Variants in MCC observed in about 807,000 individuals in gnomAD.
MCC encodes MCC regulator of Wnt signaling pathway.
Under a neutral mutation model 116.2 loss-of-function variants are expected in MCC, and 90 were observed. The ratio of observed to expected loss-of-function variants is 0.77; its 90% CI spans 0.65 to 0.92. The LOEUF is 0.92. Ranked by LOEUF, MCC falls within the 40% of genes least tolerant of loss-of-function variation. The probability of loss-of-function intolerance (pLI) is 0.00; values close to 1 mark genes in which losing one functional copy is unlikely to be tolerated. For missense variants in MCC, 1,516 were observed against 1,312.2 expected (o/e 1.16, Z -2.40); for synonymous variants, 578 against 510.5 (o/e 1.13, Z -1.78).
At chr5:113,342,279 C>G (rs917568107) in intron 2 of MCC, among the ~76,000 whole-genome samples, 1 of 152,098 alleles carries the variant, frequency 6.6e-6, no homozygotes, top group South Asian at 2.1e-4. Flanking sequence ...TTTGCAATAG[C>G]GAATTGTGCT....
chr5:113,044,263 T>C (rs1751923287), intron 16 of MCC, among the ~76,000 whole-genome samples: 1 of 152,146 alleles, frequency 6.6e-6, no homozygotes, highest in Non-Finnish European at 1.5e-5. Context: ...AAAACAGAAG[T>C]GCAGCCCACC....
At chr5:113,362,247 G>A (rs570747687) in intron 2 of MCC, among the ~76,000 whole-genome samples, 20 of 152,238 alleles carry the variant, frequency 1.3e-4, no homozygotes, top group African/African-American at 3.9e-4. Flanking sequence ...GGCTGGTCTC[G>A]AACTCCTGAC....
chr5:113,440,383 A>C (rs1030929143), intron 1 of MCC, among the ~76,000 whole-genome samples: 3 of 150,910 alleles, frequency 2.0e-5, no homozygotes, highest in African/African-American at 7.3e-5. Context: ...CCCTCCACCC[A>C]CCCCCAGGCA....
chr5:113,043,166 C>T (rs1460881840), intron 17 of MCC, among the ~76,000 whole-genome samples: 2 of 152,210 alleles, frequency 1.3e-5, no homozygotes, highest in Non-Finnish European at 2.9e-5. Context: ...ACACTACCAA[C>T]GCTGAAGGAA....
At chr5:113,459,822 GAA>G (rs2150424877) in intron 1 of MCC, among the ~76,000 whole-genome samples, 1 of 62,038 alleles carries the variant, frequency 1.6e-5, no homozygotes, top group South Asian at 6.6e-4. Context: ...AATCGCTATG[GAA>G]AACACACACA....
intron 1 of MCC, among the ~76,000 whole-genome samples, chr5:113,449,698 G>A (rs183343475): frequency 6.6e-6 from 1 of 152,336 alleles, no homozygotes; most frequent in African/African-American, 2.4e-5. Context: ...AACTGCCCAT[G>A]TGTTATAGCT....
At chr5:113,395,087 T>A (rs963055527) in intron 1 of MCC, among the ~76,000 whole-genome samples, 1 of 152,222 alleles carries the variant, frequency 6.6e-6, no homozygotes, top group Non-Finnish European at 1.5e-5. Context: ...CCTTGTTCAT[T>A]ATCTTTGAGT....
intron 3 of MCC, among the ~76,000 whole-genome samples, chr5:113,336,708 A>T (rs1203428206): frequency 6.6e-6 from 1 of 152,204 alleles, no homozygotes; most frequent in East Asian, 1.9e-4. Flanking sequence ...TTAGGATAAT[A>T]AATCTCTTAT....
chr5:113,345,460 T>C (rs6896843), intron 2 of MCC, among the ~76,000 whole-genome samples: 21,105 of 152,140 alleles, frequency 0.14, 1,667 homozygotes, highest in Non-Finnish European at 0.19. Context: ...TTGGGTGAGA[T>C]CCAGTGCTGT....
At chr5:113,197,231 GA>G (rs1207218775) in intron 3 of MCC, among the ~76,000 whole-genome samples, 1 of 152,020 alleles carries the variant, frequency 6.6e-6, no homozygotes, top group African/African-American at 2.4e-5. Flanking sequence ...TCAAAAGGGG[GA>G]ATTTTTTTTT....
chr5:113,432,334 A>AG (rs1235700819), intron 1 of MCC, among the ~76,000 whole-genome samples: 5 of 151,402 alleles, frequency 3.3e-5, no homozygotes, highest in African/African-American at 1.2e-4. Flanking sequence ...AAAAAAAAAA[A>AG]AAAAAAAAAG....
chr5:113,413,414 G>GT (rs1271126681), intron 1 of MCC, among the ~76,000 whole-genome samples: 1 of 152,070 alleles, frequency 6.6e-6, no homozygotes, highest in African/African-American at 2.4e-5. Context: ...ACTTTTTTTG[G>GT]TTGGTAGGCT....
intron 3 of MCC, among the ~76,000 whole-genome samples, chr5:113,291,710 T>A (rs1367225860): frequency 6.6e-6 from 1 of 152,028 alleles, no homozygotes; most frequent in Non-Finnish European, 1.5e-5. Context: ...GACTCAACCA[T>A]CAAAAGTGAA....
intron 8 of MCC, among the ~76,000 whole-genome samples, chr5:113,097,409 T>A (rs1756093026): frequency 6.6e-6 from 1 of 152,174 alleles, no homozygotes; most frequent in Non-Finnish European, 1.5e-5. Flanking sequence ...AAGTTTAAGG[T>A]CCCTTTGAGG....
chr5:113,228,307 T>A (rs1358278495), intron 3 of MCC, among the ~76,000 whole-genome samples: 3 of 151,960 alleles, frequency 2.0e-5, no homozygotes, highest in Non-Finnish European at 4.4e-5. Flanking sequence ...TGAGAATGAG[T>A]TCTTACACAC....
intron 8 of MCC, among the ~76,000 whole-genome samples, chr5:113,095,917 T>G (rs1206031576): frequency 6.6e-6 from 1 of 152,190 alleles, no homozygotes; most frequent in Non-Finnish European, 1.5e-5. Context: ...CTTGCACTGG[T>G]AAGTGGCTCC....
intron 3 of MCC, among the ~76,000 whole-genome samples, chr5:113,236,997 T>G (rs150114720): frequency 2.6e-4 from 39 of 152,266 alleles, no homozygotes; most frequent in Non-Finnish European, 2.9e-5. Context: ...CTCTGTCAAG[T>G]TGAAAAAATT....
At chr5:113,370,693 T>A (rs1038439418) in intron 2 of MCC, among the ~76,000 whole-genome samples, 1 of 152,202 alleles carries the variant, frequency 6.6e-6, no homozygotes, top group Non-Finnish European at 1.5e-5. Context: ...AATTTAGTCA[T>A]CAGCACTGAA....
intron 7 of MCC, among the ~76,000 whole-genome samples, chr5:113,103,859 A>G (rs1262854667): frequency 6.6e-6 from 1 of 152,176 alleles, no homozygotes; most frequent in East Asian, 1.9e-4. Context: ...AAAACTTCCA[A>G]GCTAAACTTA....
Sources: allele counts gnomAD v4.1 joint callset (sites outside exome capture counted in the v4.1 genomes callset), GRCh38; gene constraint gnomAD v4.1.1; transcripts MANE v1.5; gene names NCBI Gene and HGNC (gene_info 2026-07-23, HGNC 2026-07-21).